PRSS55: variants seen among roughly 807,000 people sequenced by gnomAD.
PRSS55 encodes the protein probable serine protease UNQ9391/PRO34284.
In PRSS55, 41 loss-of-function variants were observed where a neutral mutation model predicts 23.6. The ratio of observed to expected loss-of-function variants is 1.74; its 90% CI spans 1.35 to 2.26. The LOEUF (loss-of-function observed/expected upper bound fraction) is 2.26, where lower values mean the gene tolerates loss of function less well. Ranked by LOEUF, PRSS55 falls within the 30% of genes most tolerant of loss-of-function variation. The pLI is 0.00. For missense variants in PRSS55, 669 were observed against 439.1 expected, an observed-to-expected ratio of 1.52 and a Z score of -4.68; for synonymous variants, 262 against 175.5, an observed-to-expected ratio of 1.49 and a Z score of -3.90.
chr8:10,545,004 C>G (rs1287815969), intron 4 of PRSS55: 55 of 985,084 alleles, frequency 5.6e-5, no homozygotes, highest in Non-Finnish European at 6.5e-5. Context: ...TCTGTTGACC[C>G]AGCCTCAACA....
chr8:10,548,499 C>T (rs1204589905), intron 4 of PRSS55, among the ~76,000 whole-genome samples: 3 of 152,090 alleles, frequency 2.0e-5, no homozygotes, highest in Admixed American at 6.5e-5. Flanking sequence ...TGTGGCACCG[C>T]GGGGCTGCAC....
intron 3 of PRSS55, chr8:10,531,823 C>T: frequency 2.2e-6 from 1 of 456,882 alleles, no homozygotes. Context: ...GCCAGAGGCC[C>T]CTCTACTCTG....
chr8:10,543,180 G>A (rs1332359563), downstream of PRSS55, among the ~76,000 whole-genome samples: 3 of 152,000 alleles, frequency 2.0e-5, no homozygotes, highest in Non-Finnish European at 2.9e-5. Context: ...GGCAATCTTG[G>A]CAAGTCCCAG....
Position 10,531,412 on chromosome 8 carries a change from T to C in PRSS55, c.465T>C (p.Asn155=), listed in dbSNP as rs1812256717. 1.9e-6 allele frequency: 3 copies of C among 1,613,964 alleles called. No individual in the cohort carries two copies. The African/African-American group carries it at 4.0e-5, about 22-fold the overall frequency. ...HKDFKRANMD[N]DIALLLLASP... is the part of the protein sequence containing the mutation. ...ACTTTAAGAGAGCCAACATGGACAA[T>C]GACATTGCCTTGCTGCTGCTGGCTT... Residue 155 remains asparagine, a synonymous_variant, in exon 3 of 5, where the codon AAT becomes AAC. Transcript: ENST00000328655.
At chr8:10,529,396 G>T in intron 1 of PRSS55, 111 bp from the exon 2 acceptor site, 1 of 1,076,910 alleles carries the variant, frequency 9.3e-7, no homozygotes, top group Non-Finnish European at 1.4e-6. Flanking sequence ...TCTAGAATGG[G>T]GATGAGGATA....
intron 1 of PRSS55, 75 bp downstream of exon 1, chr8:10,525,814 A>T (rs1197876296): frequency 1.6e-5 from 24 of 1,470,756 alleles, no homozygotes; most frequent in Non-Finnish European, 2.1e-5. Flanking sequence ...GGTGGATCGC[A>T]GAGCACAAGG....
intron 4 of PRSS55, among the ~76,000 whole-genome samples, chr8:10,536,301 A>G (rs1751735017): frequency 6.6e-6 from 1 of 152,226 alleles, no homozygotes; most frequent in Non-Finnish European, 1.5e-5. Context: ...ATGCAAATCA[A>G]AGCCACAATG....
At chr8:10,528,694 G>T (rs1209305316) in intron 1 of PRSS55, among the ~76,000 whole-genome samples, 5 of 152,198 alleles carry the variant, frequency 3.3e-5, no homozygotes, top group Non-Finnish European at 5.9e-5. Flanking sequence ...CTGCTGAAAT[G>T]AATGACCACA....
chr8:10,532,562 C>A (rs773260257), intron 3 of PRSS55, among the ~76,000 whole-genome samples: 3 of 152,178 alleles, frequency 2.0e-5, no homozygotes, highest in Admixed American at 6.5e-5. Context: ...TAAAATGTCA[C>A]AATAGGCAAA....
At chr8:10,541,595 CCTATAT>C (rs1204673467), downstream of PRSS55, 5 of 152,138 alleles carry the variant, frequency 3.3e-5, no homozygotes, top group African/African-American at 1.2e-4. Context: ...CATATCTGTA[CCTATAT>C]CTATATTTAT....
chr8:10,529,813 C>G lies in PRSS55; in HGVS notation c.347+114C>G, dbSNP rs763605889. On this transcript the variant is annotated intron_variant, in intron 2 of 4. Transcript: ENST00000328655. ...AACCTGCGACTGCTCGGTATCCAGTCGGCATGAATGGCTCCCACCCATCCA... is the reference window on the plus strand; with the variant it reads ...AACCTGCGACTGCTCGGTATCCAGTGGGCATGAATGGCTCCCACCCATCCA... The G allele has an allele frequency of 3.8e-6, 4 of 1,061,836 alleles. No individual in the cohort carries two copies. The East Asian group carries it at 9.5e-5, about 25-fold the overall frequency. 65.8% of individuals were successfully genotyped at this position (1,061,836 alleles called of 1,614,324 possible). A position where few individuals can be genotyped will look rare whatever the true frequency, so the allele number is the denominator to read the frequency against.
chr8:10,546,111 G>A (rs141142819), intron 4 of PRSS55, among the ~76,000 whole-genome samples: 6 of 152,274 alleles, frequency 3.9e-5, no homozygotes, highest in Non-Finnish European at 8.8e-5. Context: ...GGGGAACTAG[G>A]CTCCCCTGAG....
intron 2 of PRSS55, among the ~76,000 whole-genome samples, chr8:10,530,215 A>C (rs1812201062): frequency 1.3e-5 from 2 of 152,200 alleles, no homozygotes; most frequent in Admixed American, 1.3e-4. Context: ...CACGCCTGTC[A>C]TCCCAGCACT....
downstream of PRSS55, among the ~76,000 whole-genome samples, chr8:10,542,454 A>G (rs908532543): frequency 6.6e-6 from 1 of 151,892 alleles, no homozygotes; most frequent in Non-Finnish European, 1.5e-5. Context: ...AATAAGGGAA[A>G]GTTTGAAAAC....
downstream of PRSS55, chr8:10,541,311 G>C (rs1361232540): frequency 3.9e-5 from 6 of 152,270 alleles, no homozygotes; most frequent in Non-Finnish European, 8.8e-5. Context: ...TGACGAAGCA[G>C]ATTGCCCTCC....
chr8:10,539,764 G>T (rs1812592533), downstream of PRSS55, among the ~76,000 whole-genome samples: 1 of 152,290 alleles, frequency 6.6e-6, no homozygotes, highest in African/African-American at 2.4e-5. Context: ...ATGATTGTGA[G>T]GCCTCTCCAG....
downstream of PRSS55, among the ~76,000 whole-genome samples, chr8:10,543,655 A>G (rs1585891145): frequency 6.6e-6 from 1 of 151,526 alleles, no homozygotes; most frequent in African/African-American, 2.4e-5. Flanking sequence ...TAGTTTCTAC[A>G]TCATATAAGC....
At chr8:10,529,452 T>A (rs780819847) in intron 1 of PRSS55, 55 bp from the exon 2 acceptor site, 11 of 1,573,328 alleles carry the variant, frequency 7.0e-6, no homozygotes, top group East Asian at 6.7e-5. Context: ...CAGCTCACAC[T>A]GGATGCTGAC....
chr8:10,531,681 G>C (rs1739769637), intron 3 of PRSS55, 136 bp downstream of exon 3: 4 of 1,305,892 alleles, frequency 3.1e-6, no homozygotes, highest in Non-Finnish European at 4.1e-6. Flanking sequence ...AGTGCCCAAA[G>C]TTTAGCTCCT....
Sources: allele counts gnomAD v4.1 joint callset (sites outside exome capture counted in the v4.1 genomes callset), GRCh38; gene constraint gnomAD v4.1.1; transcripts MANE v1.5; gene names NCBI Gene and HGNC (gene_info 2026-07-23, HGNC 2026-07-21).